Variants in FOXJ3 observed in about 807,000 individuals in gnomAD.
FOXJ3 encodes forkhead box protein J3.
In FOXJ3, 22 loss-of-function variants were observed where a neutral mutation model predicts 76.1. The observed-to-expected ratio is 0.29, with a 90% CI of 0.21 to 0.41. The LOEUF is 0.41. FOXJ3 is among the 10% of genes least tolerant of loss of function. FOXJ3 has a pLI of 1.00. For synonymous variants in FOXJ3, 269 were observed against 261.2 expected (o/e 1.03, Z -0.29); for missense variants, 613 against 762.1 (o/e 0.80, Z 2.30).
Position 42,176,979 on chromosome 1 carries a change from G to A in FOXJ3, c.*2731C>T, listed in dbSNP as rs999015870. On this transcript the variant is annotated 3_prime_UTR_variant, in exon 13 of 13. Transcript: ENST00000361346. ...TCAAAAACTGCCACAAATGCCAGTCGGATTATTCTCCTGAACAGAGTGTCC... is the reference window on the plus strand; with the variant it reads ...TCAAAAACTGCCACAAATGCCAGTCAGATTATTCTCCTGAACAGAGTGTCC... 5 of 152,592 alleles carry A rather than the reference G, an allele frequency of 3.3e-5. No homozygotes were observed. The highest frequency in any genetic ancestry group is 4.8e-5 in the African/African-American group (2 of 41,430). The allele number at this position is 152,592 out of a possible 1,614,324, so 9.5% of individuals were successfully genotyped here.
intron 4 of FOXJ3, among the ~76,000 whole-genome samples, chr1:42,255,071 A>T (rs1570067252): frequency 6.6e-6 from 1 of 152,220 alleles, no homozygotes; most frequent in Non-Finnish European, 1.5e-5. Flanking sequence ...TATTTCCTCC[A>T]ATGTAATTTC....
Position 42,237,427 on chromosome 1 carries a change from T to TATAC in FOXJ3, c.445-9462_445-9461insGTAT, listed in dbSNP as rs1166082659. Reference sequence around the variant, plus strand: ...ATACATATATATATATATATATATATACATACATACATATATATATATACA... The same window carrying TATAC: ...ATACATATATATATATATATATATATATACACATACATACATATATATATATACA... On this transcript the variant is annotated intron_variant, in intron 4 of 12. Transcript: ENST00000361346. Among the ~76,000 whole-genome samples, 430 of 129,906 alleles carry TATAC rather than the reference T, an allele frequency of 3.3e-3. 4 individuals carry two copies. Among genetic ancestry groups the TATAC allele is most frequent in the African/African-American group, 0.011 (404 of 36,946 alleles). The allele number at this position is 129,906 out of a possible 152,430, so 85.2% of individuals were successfully genotyped here.
At chr1:42,333,451 G>C (rs1656277886) in intron 1 of FOXJ3, among the ~76,000 whole-genome samples, 1 of 152,012 alleles carries the variant, frequency 6.6e-6, no homozygotes, top group Non-Finnish European at 1.5e-5. Flanking sequence ...TCCCAGTTTT[G>C]TCCTCGGCAG....
At chr1:42,191,219 G>C (rs1197665471) in intron 9 of FOXJ3, 84 bp downstream of exon 9, 1 of 1,314,166 alleles carries the variant, frequency 7.6e-7, no homozygotes, top group Non-Finnish European at 1.0e-6. Flanking sequence ...GGTTTTGGTA[G>C]TAAATACTAC....
chr1:42,327,785 CCTTAGTAAACA>C (rs1655924062), intron 1 of FOXJ3, among the ~76,000 whole-genome samples: 1 of 152,136 alleles, frequency 6.6e-6, no homozygotes. Flanking sequence ...AATCTTATTT[CCTTAGTAAACA>C]CTATACCACT....
Position 42,227,866 on chromosome 1 carries a change from T to C in FOXJ3, c.528+17A>G. On this transcript the variant is annotated intron_variant, in intron 5 of 12. Coordinates refer to ENST00000361346, the MANE Select transcript of FOXJ3 (RefSeq NM_014947.5). ...TATTCAATGCATTACACTAAATTTA[T>C]GATAAAGAGCCTTTACCCGTTCTAC... The C allele has an allele frequency of 6.8e-7, 1 of 1,468,956 alleles. No homozygotes were observed. Among genetic ancestry groups the C allele is most frequent in the Non-Finnish European group, 9.3e-7 (1 of 1,070,924 alleles). 91.0% of individuals were successfully genotyped at this position (1,468,956 alleles called of 1,614,324 possible). A position where few individuals can be genotyped will look rare whatever the true frequency, so the allele number is the denominator to read the frequency against.
chr1:42,330,130 G>T (rs1450977384), intron 1 of FOXJ3, among the ~76,000 whole-genome samples: 3 of 151,998 alleles, frequency 2.0e-5, no homozygotes, highest in Admixed American at 6.6e-5. Context: ...AAATATTAAG[G>T]GTTGTAAGAT....
In FOXJ3 at chr1:42,265,102, A is replaced by T; in HGVS notation, c.444+13T>A. 1 of 1,497,066 alleles carries T rather than the reference A, an allele frequency of 6.7e-7. No individual in the cohort carries two copies. The highest frequency in any genetic ancestry group is 9.3e-7 in the Non-Finnish European group (1 of 1,074,550). The allele number at this position is 1,497,066 out of a possible 1,614,324, so 92.7% of individuals were successfully genotyped here. On this transcript the variant is annotated intron_variant, in intron 4 of 12. Transcript: ENST00000361346. ...ACTGAAGAATTCAACTGTTTTAAGA[A>T]GATGAATCCTACCTTTCCAGGGTCA...
chr1:42,243,191 AC>A (rs1315950368), intron 4 of FOXJ3, among the ~76,000 whole-genome samples: 5 of 152,160 alleles, frequency 3.3e-5, no homozygotes, highest in Admixed American at 6.6e-5. Context: ...TGGGAGTCCT[AC>A]ATCCATGAGC....
At chr1:42,206,409 A>G (rs1646862824) in intron 5 of FOXJ3, among the ~76,000 whole-genome samples, 1 of 152,178 alleles carries the variant, frequency 6.6e-6, no homozygotes. Flanking sequence ...GATCTTGCTT[A>G]ACCATAAATA....
intron 11 of FOXJ3, among the ~76,000 whole-genome samples, chr1:42,183,310 GGGGAGGGGAGGGGA>G (rs1646364759): frequency 2.5e-4 from 1 of 4,048 alleles, no homozygotes. Flanking sequence ...GGGCGGGGTG[GGGGAGGGGAGGGGA>G]GGGGAGGGGA....
chr1:42,243,289 A>C (rs564770172), intron 4 of FOXJ3, among the ~76,000 whole-genome samples: 2 of 152,274 alleles, frequency 1.3e-5, no homozygotes, highest in South Asian at 2.1e-4. Context: ...AAGAGAAAAA[A>C]CTCAAATGTT....
chr1:42,334,514 A>G (rs1656350771), intron 1 of FOXJ3, among the ~76,000 whole-genome samples: 1 of 152,078 alleles, frequency 6.6e-6, no homozygotes, highest in Admixed American at 6.5e-5. Context: ...CCCTAATCCC[A>G]GCAAAGGACA....
chr1:42,270,603 T>C (rs1034195369), intron 3 of FOXJ3, among the ~76,000 whole-genome samples: 4 of 152,020 alleles, frequency 2.6e-5, no homozygotes, highest in Non-Finnish European at 5.9e-5. Context: ...AGAAAAGAAG[T>C]TGGTGAAGTG....
At position 42,207,856 on chromosome 1, in the gene FOXJ3, T is replaced by C. The variant is rs546777694; in HGVS notation, c.529-1993A>G. The stretch of plus-strand genomic sequence containing the variant: ...GGTACACATTGAGAGCAAGGTGAAA[T>C]AGAAGAGCTATAAAAATAACTCTTA... On this transcript the variant is annotated intron_variant, in intron 5 of 12. Coordinates refer to ENST00000361346, the MANE Select transcript of FOXJ3 (RefSeq NM_014947.5). Among the ~76,000 whole-genome samples the C allele has an allele frequency of 3.3e-5, 5 of 152,300 alleles. No homozygotes were observed. The East Asian group carries it at 5.8e-4, about 18-fold the overall frequency.
At chr1:42,283,692 A>G (rs1652876173) in intron 2 of FOXJ3, among the ~76,000 whole-genome samples, 1 of 152,170 alleles carries the variant, frequency 6.6e-6, no homozygotes. Context: ...CTCAGGAGAA[A>G]TTCTTGTTAT....
At chr1:42,215,450 G>A (rs2124385854) in intron 5 of FOXJ3, among the ~76,000 whole-genome samples, 1 of 152,134 alleles carries the variant, frequency 6.6e-6, no homozygotes, top group South Asian at 2.1e-4. Flanking sequence ...ATGAAAAAAA[G>A]AACAGAGCCT....
chr1:42,262,573 G>A (rs1336915335), intron 4 of FOXJ3, among the ~76,000 whole-genome samples: 1 of 152,190 alleles, frequency 6.6e-6, no homozygotes, highest in East Asian at 1.9e-4. Flanking sequence ...TTGTGGCCAG[G>A]TGCGGCAGCT....
At chr1:42,327,131 A>G (rs1655883230) in intron 1 of FOXJ3, among the ~76,000 whole-genome samples, 1 of 152,238 alleles carries the variant, frequency 6.6e-6, no homozygotes, top group Non-Finnish European at 1.5e-5. Context: ...ATCTTTTGAA[A>G]ATACACATCC....
Sources: allele counts gnomAD v4.1 joint callset (sites outside exome capture counted in the v4.1 genomes callset), GRCh38; gene constraint gnomAD v4.1.1; transcripts MANE v1.5; gene names NCBI Gene and HGNC (gene_info 2026-07-23, HGNC 2026-07-21).